ARID4B: variants seen among roughly 807,000 people sequenced by gnomAD.
The protein encoded by ARID4B is AT-rich interactive domain-containing protein 4B.
In ARID4B, 26 loss-of-function variants were observed where a neutral mutation model predicts 147.5. The observed-to-expected ratio is 0.18, with a 90% CI of 0.13 to 0.24. The LOEUF (loss-of-function observed/expected upper bound fraction) is 0.24. Ranked by LOEUF, ARID4B falls within the 10% of genes least tolerant of loss-of-function variation. The pLI, the probability that ARID4B is intolerant of heterozygous loss-of-function variation, is 1.00. For synonymous variants in ARID4B, 512 were observed against 507.9 expected, an observed-to-expected ratio of 1.01 and a Z score of -0.11; for missense variants, 1,179 against 1,511.5, an observed-to-expected ratio of 0.78 and a Z score of 3.65.
At chr1:235,272,042 C>A (rs1015935200) in intron 2 of ARID4B, among the ~76,000 whole-genome samples, 1 of 152,122 alleles carries the variant, frequency 6.6e-6, no homozygotes, top group Non-Finnish European at 1.5e-5. Context: ...TTTTGAAAGA[C>A]GTCATCAACA....
chr1:235,249,332 C>CA (rs886258265), intron 6 of ARID4B, among the ~76,000 whole-genome samples: 1 of 151,298 alleles, frequency 6.6e-6, no homozygotes, highest in African/African-American at 2.4e-5. Context: ...GACTCTGTCT[C>CA]AAAAAAATAA....
Position 235,220,388 on chromosome 1 carries a change from T to C in ARID4B, c.1321A>G (p.Met441Val), listed in dbSNP as rs1667379341. 6.2e-7 allele frequency: 1 copy of C among 1,610,916 alleles called. No individual in the cohort carries two copies. The highest frequency in any genetic ancestry group is 1.1e-5 in the South Asian group (1 of 91,016). Residue 441 changes from methionine (M) to valine (V), a missense_variant, in exon 15 of 24, where the codon ATG (methionine) becomes GTG (valine). Met to Val is a conservative substitution (Grantham distance 21). Transcript: ENST00000264183. Reference protein sequence around the residue: ...ENETEIKEIKMEEERNIIPRE... With the variant: ...ENETEIKEIKVEEERNIIPRE... ...GGTATTATATTCCTCTCCTCCTCCA[T>C]CTTTATTTCTTTGATCTCTGTTTCA...
chr1:235,221,149 C>G (rs955483183), intron 14 of ARID4B, among the ~76,000 whole-genome samples: 1 of 152,194 alleles, frequency 6.6e-6, no homozygotes, highest in Non-Finnish European at 1.5e-5. Context: ...CTGCCCGCCT[C>G]GGCCTCCCAA....
chr1:235,192,359 T>C (rs886959739), intron 19 of ARID4B, among the ~76,000 whole-genome samples: 4 of 152,214 alleles, frequency 2.6e-5, no homozygotes, highest in African/African-American at 7.2e-5. Context: ...TTTAAGTAAA[T>C]AGTATTTGAT....
At chr1:235,256,423 T>C (rs1325518527) in intron 4 of ARID4B, among the ~76,000 whole-genome samples, 2 of 152,152 alleles carry the variant, frequency 1.3e-5, no homozygotes, top group East Asian at 1.9e-4. Context: ...TCAGGAAGGA[T>C]AGGGACAATT....
intron 16 of ARID4B, among the ~76,000 whole-genome samples, chr1:235,219,312 T>C (rs1193143837): frequency 1.3e-5 from 2 of 152,198 alleles, no homozygotes; most frequent in African/African-American, 4.8e-5. Context: ...ATAAATTACA[T>C]TGTCAAATAA....
intron 7 of ARID4B, among the ~76,000 whole-genome samples, chr1:235,243,017 A>C (rs769211715): frequency 2.2e-4 from 33 of 152,050 alleles, no homozygotes; most frequent in Non-Finnish European, 4.1e-4. Flanking sequence ...AAGTATGTGA[A>C]TCCAATGTTT....
At chr1:235,292,710 G>C (rs1346290033) in intron 2 of ARID4B, among the ~76,000 whole-genome samples, 2 of 151,776 alleles carry the variant, frequency 1.3e-5, no homozygotes, top group African/African-American at 4.8e-5. Context: ...CCAAATTAAA[G>C]GTTGGGTAAG....
At chr1:235,265,558 G>A (rs980013526) in intron 2 of ARID4B, among the ~76,000 whole-genome samples, 14 of 151,856 alleles carry the variant, frequency 9.2e-5, no homozygotes, top group South Asian at 2.1e-4. Flanking sequence ...AATTAGCCAA[G>A]CATGGTGGCA....
At chr1:235,269,044 T>C (rs1260379350) in intron 2 of ARID4B, among the ~76,000 whole-genome samples, 1 of 152,198 alleles carries the variant, frequency 6.6e-6, no homozygotes, top group Non-Finnish European at 1.5e-5. Flanking sequence ...GATATATATG[T>C]ATGTCAAACT....
In ARID4B at chr1:235,280,960, A is replaced by G. The variant is rs548414873; in HGVS notation, c.7-20208T>C. Among the ~76,000 whole-genome samples the G allele has an allele frequency of 2.0e-5, 3 of 152,302 alleles. No homozygotes were observed. In the East Asian group the frequency reaches 5.8e-4, roughly 29 times the overall value. ...AATCATATGTATAAAAACGAAAAAA[A>G]AAGAGTCCTGAGTAACTTCTGATTA... On this transcript the variant is annotated intron_variant, in intron 2 of 23. Transcript: ENST00000264183.
intron 2 of ARID4B, among the ~76,000 whole-genome samples, chr1:235,306,901 T>C (rs772993003): frequency 6.6e-6 from 1 of 152,052 alleles, no homozygotes; most frequent in Non-Finnish European, 1.5e-5. Context: ...ACTTGCAATT[T>C]TCCCCGCCTC....
At chr1:235,252,409 G>A (rs1320247109) in intron 6 of ARID4B, among the ~76,000 whole-genome samples, 1 of 152,142 alleles carries the variant, frequency 6.6e-6, no homozygotes, top group East Asian at 1.9e-4. Flanking sequence ...CAAGGATCAA[G>A]TAGATTACAA....
chr1:235,325,912 G>A (rs1675200864), intron 2 of ARID4B, among the ~76,000 whole-genome samples: 1 of 152,184 alleles, frequency 6.6e-6, no homozygotes, highest in Non-Finnish European at 1.5e-5. Flanking sequence ...AATTGTCAAA[G>A]CAGTCTTGAT....
intron 2 of ARID4B, among the ~76,000 whole-genome samples, chr1:235,275,005 G>A (rs542796109): frequency 4.0e-4 from 61 of 151,902 alleles, no homozygotes; most frequent in African/African-American, 1.4e-3. Context: ...GTGTGTGTGT[G>A]TGTGTGTGTG....
At chr1:235,308,195 G>A (rs1202854889) in intron 2 of ARID4B, among the ~76,000 whole-genome samples, 1 of 147,824 alleles carries the variant, frequency 6.8e-6, no homozygotes, top group Non-Finnish European at 1.5e-5. Flanking sequence ...CGCCTCCCAG[G>A]TTCAGGCACT....
At chr1:235,179,037 T>C (rs925828131) in intron 20 of ARID4B, among the ~76,000 whole-genome samples, 4 of 152,112 alleles carry the variant, frequency 2.6e-5, no homozygotes, top group African/African-American at 7.2e-5. Flanking sequence ...AGAACCATAA[T>C]TGTCAGGTTT....
At chr1:235,199,156 C>A (rs1002836808) in intron 17 of ARID4B, among the ~76,000 whole-genome samples, 1 of 152,052 alleles carries the variant, frequency 6.6e-6, no homozygotes, top group African/African-American at 2.4e-5. Context: ...AAGAAATTCC[C>A]TGAAAACTTA....
At position 235,236,833 on chromosome 1, in the gene ARID4B, A is replaced by AATACATATATAT. The variant is rs1553299957; in HGVS notation, c.586-2342_586-2341insATATATATGTAT. On this transcript the variant is annotated intron_variant, in intron 8 of 23. Coordinates refer to ENST00000264183, the MANE Select transcript of ARID4B (RefSeq NM_016374.6). ...TGGCCCACAAAACGGTTTTATAAAA[A>AATACATATATAT]ATATATATATATATATATATATATA... 7.5e-4 allele frequency among the ~76,000 whole-genome samples: 25 copies of AATACATATATAT among 33,510 alleles called. 1 individual carries two copies. The highest frequency in any genetic ancestry group is 3.1e-3 in the African/African-American group (21 of 6,708). 22.0% of individuals were successfully genotyped at this position (33,510 alleles called of 152,430 possible).
Sources: gnomAD v4.1 joint callset for allele counts (sites outside exome capture counted in the v4.1 genomes callset) on GRCh38, gnomAD v4.1.1 for gene constraint, MANE v1.5 for transcripts, NCBI Gene and HGNC (gene_info 2026-07-23, HGNC 2026-07-21) for gene names.